Variants in SPHK2 observed in about 807,000 individuals in gnomAD.
SPHK2 encodes the protein sphingosine kinase 2.
A neutral mutation model predicts 32.3 loss-of-function variants in SPHK2; 18 were observed. The ratio of observed to expected loss-of-function variants is 0.56; its 90% CI spans 0.39 to 0.83. The LOEUF (loss-of-function observed/expected upper bound fraction) is 0.83. Ranked by LOEUF, SPHK2 falls within the 40% of genes least tolerant of loss-of-function variation. SPHK2 has a pLI of 0.00. For synonymous variants in SPHK2, 462 were observed against 417.6 expected (o/e 1.11, Z -1.30); for missense variants, 850 against 908.7 (o/e 0.94, Z 0.83).
In SPHK2 at chr19:48,628,594, C is replaced by G; in HGVS notation, c.873-87C>G. The stretch of plus-strand genomic sequence containing the variant: ...GCCTGGGCCATGGCCTTCGTGGTCT[C>G]ATTGCCAGCTGCTTTCCTACCTGTC... On this transcript the variant is annotated intron_variant, in intron 6 of 6. Coordinates refer to ENST00000245222, the MANE Select transcript of SPHK2 (RefSeq NM_020126.5). The surrounding 1 kb of genome is among the most constrained non-coding windows in gnomAD (Gnocchi z 5.2). 1 of 1,529,814 alleles carries G rather than the reference C, an allele frequency of 6.5e-7. No individual in the cohort carries two copies. The highest frequency in any genetic ancestry group is 8.9e-7 in the Non-Finnish European group (1 of 1,122,472). The allele number at this position is 1,529,814 out of a possible 1,614,324, so 94.8% of individuals were successfully genotyped here.
chr19:48,628,598 G>A lies in SPHK2; in HGVS notation c.873-83G>A, dbSNP rs1227431797. 7 of 1,545,204 alleles carry A rather than the reference G, an allele frequency of 4.5e-6. No homozygotes were observed. In the East Asian group the frequency reaches 1.6e-4, roughly 35 times the overall value. On this transcript the variant is annotated intron_variant, in intron 6 of 6. Transcript: ENST00000245222. The surrounding 1 kb of genome is among the most constrained non-coding windows in gnomAD (Gnocchi z 5.2). Reference sequence around the variant, plus strand: ...GGGCCATGGCCTTCGTGGTCTCATTGCCAGCTGCTTTCCTACCTGTCTCTT... The same window carrying A: ...GGGCCATGGCCTTCGTGGTCTCATTACCAGCTGCTTTCCTACCTGTCTCTT...
chr19:48,625,201 C>T (rs1307159782), intron 2 of SPHK2: 19 of 1,034,974 alleles, frequency 1.8e-5, no homozygotes, highest in Non-Finnish European at 2.2e-5. Flanking sequence ...GCCTCGTACC[C>T]CTCCTATTTG....
Position 48,629,452 on chromosome 19 carries a change from C to T in SPHK2, c.1644C>T (p.His548=), listed in dbSNP as rs1469274921. 1.2e-6 allele frequency: 2 copies of T among 1,608,894 alleles called. No homozygotes were observed. Among genetic ancestry groups the T allele is most frequent in the African/African-American group, 2.7e-5 (2 of 74,870 alleles). The change falls in exon 7 of 7, where the codon CAC becomes CAT. Residue 548 remains histidine, a synonymous_variant. Coordinates refer to ENST00000245222, the MANE Select transcript of SPHK2 (RefSeq NM_020126.5). ...TCATGTTGGCCATCTCGCCCAGCCA[C>T]CTAGGCGCTGACCTGGTGGCAGCTC... ...FVLMLAISPS[H]LGADLVAAPH... is the part of the protein sequence containing the mutation.
intron 3 of SPHK2, among the ~76,000 whole-genome samples, chr19:48,627,109 G>A (rs546958749): frequency 2.6e-4 from 40 of 152,310 alleles, no homozygotes; most frequent in Non-Finnish European, 5.0e-4. Context: ...ACTCCATCCT[G>A]GGCGACAAGA....
At chr19:48,625,265 T>C (rs1438036011) in intron 2 of SPHK2, 1 of 1,088,710 alleles carries the variant, frequency 9.2e-7, no homozygotes, top group Non-Finnish European at 1.1e-6. Context: ...AGTCTTACTC[T>C]CTTAAGTATC....
chr19:48,622,243 A>T (rs1974434250), intron 2 of SPHK2, among the ~76,000 whole-genome samples: 1 of 146,528 alleles, frequency 6.8e-6, no homozygotes, highest in South Asian at 2.2e-4. Context: ...TGGGCGACAG[A>T]GCGAAACTCC....
chr19:48,628,717 C>G lies in SPHK2; in HGVS notation c.909C>G (p.Asn303Lys). Reference protein sequence around the residue: ...EPALGLDLLLNCSLLLCRGGG... With the variant: ...EPALGLDLLLKCSLLLCRGGG... ...CCCTGGGCCTCGACCTGTTGCTCAACTGCTCACTGTTGCTGTGCCGGGGTG... is the reference window on the plus strand; with the variant it reads ...CCCTGGGCCTCGACCTGTTGCTCAAGTGCTCACTGTTGCTGTGCCGGGGTG... The change falls in exon 7 of 7, where the codon AAC becomes AAG. Residue 303 changes from asparagine (N) to lysine (K), a missense_variant. By Grantham distance (94) the Asn-to-Lys change is moderately conservative (BLOSUM62 0). Coordinates refer to ENST00000245222, the MANE Select transcript of SPHK2 (RefSeq NM_020126.5). This position sits in a 1 kb window ranked among gnomAD's most constrained non-coding sequence, Gnocchi z 5.2. 5 of 1,612,920 alleles carry G rather than the reference C, an allele frequency of 3.1e-6. No individual in the cohort carries two copies. The highest frequency in any genetic ancestry group is 4.2e-6 in the Non-Finnish European group (5 of 1,180,030).
Position 48,629,596 on chromosome 19 carries a change from C to G in SPHK2, c.1788C>G (p.Gly596=). 6.3e-7 allele frequency: 1 copy of G among 1,598,680 alleles called. No homozygotes were observed. Residue 596 remains glycine, a synonymous_variant, in exon 7 of 7, where the codon GGC becomes GGG. Transcript: ENST00000245222. The part of the protein sequence containing the change: ...AMERGSHFSL[G]CPQLGYAAAR... ...AGCGTGGTAGCCACTTCAGCCTGGG[C>G]TGTCCGCAGCTGGGCTACGCCGCGG...
chr19:48,625,726 G>A (rs1304735965), intron 2 of SPHK2, 165 bp from the exon 3 acceptor site: 16 of 1,534,858 alleles, frequency 1.0e-5, no homozygotes, highest in South Asian at 4.8e-5. Context: ...CCTCTGTCCC[G>A]CATCCTCAAG....
chr19:48,629,781 C>T lies in SPHK2; in HGVS notation c.*8C>T. 6.4e-7 allele frequency: 1 copy of T among 1,557,000 alleles called. No individual in the cohort carries two copies. The highest frequency in any genetic ancestry group is 1.7e-4 in the Middle Eastern group (1 of 5,748). Reference sequence around the variant, plus strand: ...CCGGGGCGGGAGCCCTGAAACTAAACAAGCTTGGTACCCGCCGGGGGCGGG... The same window carrying T: ...CCGGGGCGGGAGCCCTGAAACTAAATAAGCTTGGTACCCGCCGGGGGCGGG... On this transcript the variant is annotated 3_prime_UTR_variant, in exon 7 of 7. Transcript: ENST00000245222.
chr19:48,622,294 A>G (rs1416753185), intron 2 of SPHK2, among the ~76,000 whole-genome samples: 1 of 151,764 alleles, frequency 6.6e-6, no homozygotes, highest in Non-Finnish European at 1.5e-5. Context: ...AAAGGACTCA[A>G]TCTCTTTCTC....
intron 2 of SPHK2, chr19:48,625,532 T>C (rs569457655): frequency 1.6e-6 from 2 of 1,262,072 alleles, no homozygotes; most frequent in African/African-American, 3.0e-5. Context: ...ACCACCTGTA[T>C]ATTTCAATCC....
In SPHK2 at chr19:48,629,065, T is replaced by C; in HGVS notation, c.1257T>C (p.Ser419=). ...TGGCCCACTCACCCCTGCATCGTTC[T>C]GTGTCTGACCTGCCTCTTCCCCTGC... ...PPMAHSPLHR[S]VSDLPLPLPQ... The change falls in exon 7 of 7, where the codon TCT becomes TCC. Residue 419 remains serine, a synonymous_variant. Coordinates refer to ENST00000245222, the MANE Select transcript of SPHK2 (RefSeq NM_020126.5). 1 of 1,613,242 alleles carries C rather than the reference T, an allele frequency of 6.2e-7. No individual in the cohort carries two copies. Among genetic ancestry groups the C allele is most frequent in the Non-Finnish European group, 8.5e-7 (1 of 1,179,742 alleles).
Position 48,624,974 on chromosome 19 carries a change from G to T in SPHK2, c.40-917G>T, listed in dbSNP as rs1037229304. The T allele has an allele frequency of 9.1e-6, 9 of 987,618 alleles. No homozygotes were observed. The South Asian group carries it at 3.7e-4, about 41-fold the overall frequency. The allele number at this position is 987,618 out of a possible 1,614,324, so 61.2% of individuals were successfully genotyped here. A position where few individuals can be genotyped will look rare whatever the true frequency, so the allele number is the denominator to read the frequency against. ...AGTGGGGAACAAAGGTGAGCGAAAGGAGGAGGCAGAATCCGGGCAGAGGGC... is the reference window on the plus strand; with the variant it reads ...AGTGGGGAACAAAGGTGAGCGAAAGTAGGAGGCAGAATCCGGGCAGAGGGC... On this transcript the variant is annotated intron_variant, in intron 2 of 6. Coordinates refer to ENST00000245222, the MANE Select transcript of SPHK2 (RefSeq NM_020126.5).
chr19:48,620,317 C>T (rs1036405533), intron 1 of SPHK2, 85 bp from the exon 2 acceptor site: 22 of 531,144 alleles, frequency 4.1e-5, no homozygotes, highest in South Asian at 1.1e-4. Context: ...AGGCCCCTGC[C>T]TCTTGGTTCT....
intron 2 of SPHK2, chr19:48,623,088 TA>T (rs1209617140): frequency 6.7e-6 from 1 of 150,350 alleles, no homozygotes; most frequent in Non-Finnish European, 1.5e-5. Context: ...ACTAAAAATG[TA>T]AAAAATTAGC....
chr19:48,627,724 C>T lies in SPHK2; in HGVS notation c.544C>T (p.Arg182Trp), dbSNP rs2030048479. The stretch of plus-strand genomic sequence containing the variant: ...CCCTGACCTGCTACCTCGGCCGCCC[C>T]GGTTGCTTCTATTGGTCAATCCCTT... ...ITPDLLPRPP[R>W]LLLLVNPFGG... Residue 182 changes from arginine (R) to tryptophan (W), a missense_variant, in exon 4 of 7, where the codon CGG becomes TGG. Coordinates refer to ENST00000245222, the MANE Select transcript of SPHK2 (RefSeq NM_020126.5). The T allele has an allele frequency of 2.5e-6, 4 of 1,610,736 alleles. No individual in the cohort carries two copies. Among genetic ancestry groups the T allele is most frequent in the East Asian group, 2.2e-5 (1 of 44,868 alleles).
chr19:48,621,321 C>T (rs113752112), intron 2 of SPHK2, among the ~76,000 whole-genome samples: 68 of 152,312 alleles, frequency 4.5e-4, no homozygotes, highest in African/African-American at 1.6e-3. Flanking sequence ...TCAGGTGATA[C>T]GCCGGCCTCG....
At chr19:48,622,900 G>C (rs967703716) in intron 2 of SPHK2, among the ~76,000 whole-genome samples, 1 of 150,842 alleles carries the variant, frequency 6.6e-6, no homozygotes, top group African/African-American at 2.4e-5. Flanking sequence ...GAGTAGCTGG[G>C]ATTACAGGTG....
Sources: gnomAD v4.1 joint callset for allele counts (sites outside exome capture counted in the v4.1 genomes callset) on GRCh38, gnomAD v4.1.1 for gene constraint, Gnocchi (gnomAD v3.1) non-coding constraint, MANE v1.5 for transcripts, NCBI Gene and HGNC (gene_info 2026-07-23, HGNC 2026-07-21) for gene names.